The following SLC46A3 variants were observed in gnomAD, a reference collection of about 807,000 sequenced individuals.
The protein encoded by SLC46A3 is lysosomal proton-coupled steroid conjugate and bile acid symporter SLC46A3.
A neutral mutation model predicts 38.5 loss-of-function variants in SLC46A3; 26 were observed. The ratio of observed to expected loss-of-function variants is 0.68; its 90% CI spans 0.49 to 0.94. The LOEUF is 0.94. Ranked by LOEUF, SLC46A3 falls within the 40% of genes least tolerant of loss-of-function variation. SLC46A3 has a pLI of 0.00. For synonymous variants in SLC46A3, 185 were observed against 192.5 expected (o/e 0.96, Z 0.32); for missense variants, 510 against 544.3 (o/e 0.94, Z 0.63).
At chr13:28,710,437 C>T (rs2137831858) in intron 4 of SLC46A3, among the ~76,000 whole-genome samples, 1 of 152,302 alleles carries the variant, frequency 6.6e-6, no homozygotes, top group East Asian at 1.9e-4. Flanking sequence ...ATTGCAGGGA[C>T]CCAGGTGGGC....
In SLC46A3 at chr13:28,712,748, C is replaced by T. The variant is rs1309134978; in HGVS notation, c.992G>A (p.Gly331Glu). The T allele has an allele frequency of 1.2e-6, 2 of 1,609,064 alleles. No individual in the cohort carries two copies. Among genetic ancestry groups the T allele is most frequent in the Non-Finnish European group, 1.7e-6 (2 of 1,178,866 alleles). ...CATTCCTGTCATCGTGGTAAAAATC[C>T]CAATGAAGGCCATATGAATATCTTC... ...CMEDIHMAFI[G>E]IFTTMTGMAM... The change falls in exon 3 of 6, where the codon GGG becomes GAG. Residue 331 changes from glycine to glutamate, a missense_variant. By Grantham distance (98) the Gly-to-Glu change is moderately conservative (BLOSUM62 -2). Coordinates refer to ENST00000266943, the MANE Select transcript of SLC46A3 (RefSeq NM_181785.4).
Position 28,704,046 on chromosome 13 carries a change from C to T in SLC46A3, c.1198G>A (p.Val400Ile). The change falls in exon 5 of 6, where the codon GTT (valine) becomes ATT (isoleucine). Residue 400 changes from valine to isoleucine, a missense_variant. By Grantham distance (29) the Val-to-Ile change is conservative. Transcript: ENST00000266943. ...FLETLGGVTA[V>I]STFNGIYSAT... ...GAGTAAATTCCATTAAAAGTAGAAA[C>T]TGCAGTGACTCCTCCAAGTGTTTCT... 1.9e-6 allele frequency: 3 copies of T among 1,613,570 alleles called. No homozygotes were observed. The highest frequency in any genetic ancestry group is 2.5e-6 in the Non-Finnish European group (3 of 1,179,818).
Position 28,700,769 on chromosome 13 carries a change from T to TGA in SLC46A3, c.*727_*728insTC. 1.9e-6 allele frequency: 1 copy of TGA among 518,046 alleles called. No individual in the cohort carries two copies. Among genetic ancestry groups the TGA allele is most frequent in the Non-Finnish European group, 3.4e-6 (1 of 291,428 alleles). 32.1% of individuals were successfully genotyped at this position (518,046 alleles called of 1,614,324 possible). A position where few individuals can be genotyped will look rare whatever the true frequency, so the allele number is the denominator to read the frequency against. On this transcript the variant is annotated 3_prime_UTR_variant, in exon 6 of 6. Transcript: ENST00000266943. ...TCATCTATTTTTTCCCAATTACCCA[T>TGA]TACATATAGAAATATTATCATGCCT...
Position 28,712,861 on chromosome 13 carries a change from A to C in SLC46A3, c.879T>G (p.Asn293Lys), listed in dbSNP as rs1188794096. The C allele has an allele frequency of 1.2e-6, 2 of 1,610,804 alleles. No individual in the cohort carries two copies. The highest frequency in any genetic ancestry group is 4.5e-5 in the East Asian group (2 of 44,858). ...LYELDSPLCW[N>K]EVFIGYGSAL... ...CTGATCCATAACCTATAAAAACTTC[A>C]TTCCAGCAGAGTGGTGAATCCAATT... is the stretch of plus-strand genomic sequence containing the variant. Residue 293 changes from asparagine to lysine, a missense_variant, in exon 3 of 6, where the codon AAT (asparagine) becomes AAG (lysine). Transcript: ENST00000266943.
rs1243804366 is a variant in SLC46A3 at position 28,712,768 on chromosome 13, A to G, written c.972T>C (p.Asp324=). Residue 324 remains aspartate, a synonymous_variant, in exon 3 of 6, where the codon GAT becomes GAC. Coordinates refer to ENST00000266943, the MANE Select transcript of SLC46A3 (RefSeq NM_181785.4). ...GIWLFSYCME[D]IHMAFIGIFT... is the part of the protein sequence containing the mutation. ...AAATCCCAATGAAGGCCATATGAAT[A>G]TCTTCCATACAATAAGAAAAAAGCC... 1.9e-6 allele frequency: 3 copies of G among 1,613,070 alleles called. No individual in the cohort carries two copies. Among genetic ancestry groups the G allele is most frequent in the African/African-American group, 1.3e-5 (1 of 74,808 alleles).
chr13:28,712,520 T>G (rs953535345), intron 3 of SLC46A3, 160 bp downstream of exon 3: 4 of 587,614 alleles, frequency 6.8e-6, no homozygotes, highest in Non-Finnish European at 1.0e-5. Flanking sequence ...AATTCGGCTT[T>G]TGGCTTATTG....
At position 28,708,895 on chromosome 13, in the gene SLC46A3, T is replaced by C. The variant is rs548839735; in HGVS notation, c.1144+1865A>G. Among the ~76,000 whole-genome samples the C allele has an allele frequency of 6.6e-5, 10 of 152,338 alleles. No individual in the cohort carries two copies. The East Asian group carries it at 1.9e-3, about 29-fold the overall frequency. ...TTTTGGTGTCATATCTAAGAAACTA[T>C]TGCATAGTCCAAAGAAGCAGATAGA... is the stretch of plus-strand genomic sequence containing the variant. On this transcript the variant is annotated intron_variant, in intron 4 of 5. Coordinates refer to ENST00000266943, the MANE Select transcript of SLC46A3 (RefSeq NM_181785.4).
At chr13:28,716,491 T>C (rs775897983) in intron 2 of SLC46A3, among the ~76,000 whole-genome samples, 3 of 152,038 alleles carry the variant, frequency 2.0e-5, no homozygotes, top group Non-Finnish European at 4.4e-5. Context: ...AATGCATGAA[T>C]AAACACTTAC....
intron 5 of SLC46A3, among the ~76,000 whole-genome samples, chr13:28,702,292 TGTTA>T (rs567979393): frequency 1.3e-5 from 2 of 152,152 alleles, no homozygotes; most frequent in Non-Finnish European, 2.9e-5. Context: ...CTACAATTCT[TGTTA>T]GTTAAGTCAT....
chr13:28,716,704 G>A (rs373172662), intron 2 of SLC46A3, among the ~76,000 whole-genome samples: 16 of 152,220 alleles, frequency 1.1e-4, no homozygotes, highest in East Asian at 9.7e-4. Flanking sequence ...GAGGAAATGA[G>A]TAAGATTAGG....
At chr13:28,718,055 G>C in intron 1 of SLC46A3, 33 bp from the exon 2 acceptor site, 2 of 1,539,112 alleles carry the variant, frequency 1.3e-6, no homozygotes, top group Non-Finnish European at 8.8e-7. Context: ...AAGATCATCT[G>C]TCTCATCCCA....
In SLC46A3 at chr13:28,701,387, TA is replaced by T; in HGVS notation, c.*109del. 1 of 1,494,860 alleles carries T rather than the reference TA, an allele frequency of 6.7e-7. No homozygotes were observed. The highest frequency in any genetic ancestry group is 8.9e-7 in the Non-Finnish European group (1 of 1,124,944). 92.6% of individuals were successfully genotyped at this position (1,494,860 alleles called of 1,614,324 possible). ...TGTTCAGTTTAGAAGAAAAGATAGG[TA>T]AAATTGGTTCTCAGTGAAGCACTGA... On this transcript the variant is annotated 3_prime_UTR_variant, in exon 6 of 6. Transcript: ENST00000266943.
Position 28,700,937 on chromosome 13 carries a change from CA to C in SLC46A3, c.*559del. ...GTCACAGTATATAAGCTCCGACTAT[CA>C]ATAGCAGCTTAACAGGCTCTATAAA... is the stretch of plus-strand genomic sequence containing the variant. On this transcript the variant is annotated 3_prime_UTR_variant, in exon 6 of 6. Transcript: ENST00000266943. 2 of 1,503,340 alleles carry C rather than the reference CA, an allele frequency of 1.3e-6. No individual in the cohort carries two copies. The highest frequency in any genetic ancestry group is 1.8e-6 in the Non-Finnish European group (2 of 1,104,258). 93.1% of individuals were successfully genotyped at this position (1,503,340 alleles called of 1,614,324 possible).
At position 28,713,033 on chromosome 13, in the gene SLC46A3, T is replaced by A. The variant is rs759095962; in HGVS notation, c.707A>T (p.Glu236Val). 2 of 1,612,280 alleles carry A rather than the reference T, an allele frequency of 1.2e-6. No individual in the cohort carries two copies. The highest frequency in any genetic ancestry group is 2.2e-5 in the South Asian group (2 of 90,674). Residue 236 changes from glutamate (E) to valine (V), a missense_variant, in exon 3 of 6, where the codon GAA becomes GTA. Coordinates refer to ENST00000266943, the MANE Select transcript of SLC46A3 (RefSeq NM_181785.4). ...SSQNVTMSCS[E>V]GFKNLFYRTY... ...TCGGTAAAATAGGTTTTTGAAGCCT[T>A]CACTACATGACATAGTAACATTCTG... is the stretch of plus-strand genomic sequence containing the variant.
At chr13:28,706,980 A>G (rs1435603388) in intron 4 of SLC46A3, among the ~76,000 whole-genome samples, 1 of 152,208 alleles carries the variant, frequency 6.6e-6, no homozygotes, top group African/African-American at 2.4e-5. Context: ...ACCATTGTGG[A>G]AGACAGTGTG....
At position 28,704,101 on chromosome 13, in the gene SLC46A3, T is replaced by C. The variant is rs766244849; in HGVS notation, c.1145-2A>G. On this transcript the variant is annotated splice_acceptor_variant, in intron 4 of 5. Coordinates refer to ENST00000266943, the MANE Select transcript of SLC46A3 (RefSeq NM_181785.4). LOFTEE classifies it high-confidence loss of function. ...AAGCAATACAAGCAAACAGGGTACC[T>C]GTTTGGAGTAGGGATAGAGAGAGAG... 2 of 1,609,394 alleles carry C rather than the reference T, an allele frequency of 1.2e-6. No homozygotes were observed. Among genetic ancestry groups the C allele is most frequent in the Non-Finnish European group, 1.7e-6 (2 of 1,178,588 alleles).
In SLC46A3 at chr13:28,717,870, A is replaced by G. The variant is rs774425610; in HGVS notation, c.129T>C (p.Ser43=). The G allele has an allele frequency of 1.2e-6, 2 of 1,614,120 alleles. No homozygotes were observed. The highest frequency in any genetic ancestry group is 2.2e-5 in the South Asian group (2 of 91,036). The change falls in exon 2 of 6, where the codon TCT becomes TCC. Residue 43 remains serine (S), a synonymous_variant. Coordinates refer to ENST00000266943, the MANE Select transcript of SLC46A3 (RefSeq NM_181785.4). ...WEETGNYTFS[S]DSNISECEKN... ...TTTCACACTCAGAAATATTGCTATC[A>G]GATGAAAAAGTGTAGTTGCCAGTTT...
At position 28,710,786 on chromosome 13, in the gene SLC46A3, GACA is replaced by G; in HGVS notation, c.1115_1117del (p.Leu372del). On this transcript the variant is annotated inframe_deletion, in exon 4 of 6. Coordinates refer to ENST00000266943, the MANE Select transcript of SLC46A3 (RefSeq NM_181785.4). ...TTGTTCAGTCGAACGAACCACTTTT[GACA>G]ACATGGACCGTAGAACAGAGAATGG... 6.2e-7 allele frequency: 1 copy of G among 1,613,916 alleles called. No individual in the cohort carries two copies. The highest frequency in any genetic ancestry group is 1.3e-5 in the African/African-American group (1 of 75,042).
intron 5 of SLC46A3, among the ~76,000 whole-genome samples, chr13:28,703,072 GC>G (rs1339252624): frequency 6.6e-6 from 1 of 151,974 alleles, no homozygotes; most frequent in East Asian, 1.9e-4. Context: ...TAAATAGAAA[GC>G]AAAAAGAAGG....
Sources: allele counts gnomAD v4.1 joint callset (sites outside exome capture counted in the v4.1 genomes callset), GRCh38; gene constraint gnomAD v4.1.1; transcripts MANE v1.5; gene names NCBI Gene and HGNC (gene_info 2026-07-23, HGNC 2026-07-21).